Variants in RIN2 observed in about 807,000 individuals in gnomAD.
RIN2 encodes Ras and Rab interactor 2, also known as RAB5 interacting protein 2.
A neutral mutation model predicts 78.0 loss-of-function variants in RIN2; 36 were observed. The ratio of observed to expected loss-of-function variants is 0.46; its 90% CI spans 0.35 to 0.61. The LOEUF (loss-of-function observed/expected upper bound fraction) is 0.61, where lower values mean the gene tolerates loss of function less well. Ranked by LOEUF, RIN2 falls within the 20% of genes least tolerant of loss-of-function variation. The probability of loss-of-function intolerance (pLI) is 0.00; values close to 1 mark genes in which losing one functional copy is unlikely to be tolerated. For synonymous variants in RIN2, 466 were observed against 466.8 expected (o/e 1.00, Z 0.02); for missense variants, 1,087 against 1,159.7 (o/e 0.94, Z 0.91).
chr20:19,820,129 G>A (rs1453845602), intron 2 of RIN2, among the ~76,000 whole-genome samples: 2 of 152,294 alleles, frequency 1.3e-5, no homozygotes, highest in African/African-American at 2.4e-5. Flanking sequence ...TAGGCGATTT[G>A]TTGCCATTTT....
At chr20:19,904,260 TAA>T (rs2039122441) in intron 3 of RIN2, among the ~76,000 whole-genome samples, 10 of 145,400 alleles carry the variant, frequency 6.9e-5, no homozygotes, top group Admixed American at 1.4e-4. Context: ...TATATATATA[TAA>T]AATATATATA....
At chr20:19,956,526 A>ACAT (rs1303370731) in intron 4 of RIN2, 89 bp from the exon 5 acceptor site, 1 of 1,259,688 alleles carries the variant, frequency 7.9e-7, no homozygotes, top group Non-Finnish European at 1.1e-6. Flanking sequence ...GTGCGGTGGC[A>ACAT]AGCCTGGCCT....
At chr20:19,913,060 G>A (rs2039542359) in intron 3 of RIN2, among the ~76,000 whole-genome samples, 1 of 152,152 alleles carries the variant, frequency 6.6e-6, no homozygotes, top group Non-Finnish European at 1.5e-5. Flanking sequence ...TCTTGGAGGA[G>A]CCCAGAATTT....
intron 5 of RIN2, among the ~76,000 whole-genome samples, chr20:19,960,378 A>ATCC (rs1159047736): frequency 1.3e-5 from 2 of 152,238 alleles, no homozygotes; most frequent in Non-Finnish European, 2.9e-5. Context: ...TATAACTCAT[A>ATCC]TAAGACAGGG....
At chr20:19,827,810 C>CTTTTTTTT (rs34007899) in intron 2 of RIN2, among the ~76,000 whole-genome samples, 1 of 138,392 alleles carries the variant, frequency 7.2e-6, no homozygotes, top group Non-Finnish European at 1.6e-5. Context: ...TTCTTTTTTT[C>CTTTTTTTT]TTTTTTTTTT....
chr20:19,995,694 G>T (rs942086425), intron 11 of RIN2, among the ~76,000 whole-genome samples: 3 of 152,128 alleles, frequency 2.0e-5, no homozygotes, highest in Admixed American at 2.0e-4. Context: ...GAAGGGGGGG[G>T]TAAGAAAGGG....
intron 9 of RIN2, among the ~76,000 whole-genome samples, chr20:19,982,435 G>A (rs1244066881): frequency 6.6e-6 from 1 of 152,082 alleles, no homozygotes; most frequent in Non-Finnish European, 1.5e-5. Flanking sequence ...TGGCGGCCCT[G>A]GTGTCATATT....
At chr20:19,917,449 T>C (rs1443265689) in intron 3 of RIN2, among the ~76,000 whole-genome samples, 1 of 152,240 alleles carries the variant, frequency 6.6e-6, no homozygotes, top group Non-Finnish European at 1.5e-5. Flanking sequence ...TTTCCTAAAA[T>C]GATAATAGTT....
At chr20:19,835,099 AG>A (rs2036378585) in intron 2 of RIN2, among the ~76,000 whole-genome samples, 1 of 20,484 alleles carries the variant, frequency 4.9e-5, no homozygotes, top group Non-Finnish European at 2.0e-4. Flanking sequence ...AAAAGAAAGA[AG>A]AAAGAAAGAA....
At position 19,985,030 on chromosome 20, in the gene RIN2, T is replaced by C. The variant is rs556909020; in HGVS notation, c.1763-4976T>C. On this transcript the variant is annotated intron_variant, in intron 9 of 12. Transcript: ENST00000255006. ...CAGTGGCAGTGAGAGGGGAAGGGAC[T>C]TGGCCTCCCCACGGCTCCCAGGGCT... Among the ~76,000 whole-genome samples, 3 of 152,352 alleles carry C rather than the reference T, an allele frequency of 2.0e-5. No homozygotes were observed. The South Asian group carries it at 6.2e-4, about 32-fold the overall frequency.
rs1324953796 is a variant in RIN2 at position 19,974,608 on chromosome 20, A to G, written c.629-46A>G. The G allele has an allele frequency of 2.6e-6, 4 of 1,565,926 alleles. No homozygotes were observed. In the African/African-American group the frequency reaches 4.1e-5, roughly 16 times the overall value. On this transcript the variant is annotated intron_variant, in intron 8 of 12. Coordinates refer to ENST00000255006, the MANE Select transcript of RIN2 (RefSeq NM_018993.4). ...TTTTAATTTGTGAAGGAATGGTCTGAGTGTACCGTATTTACATTCTTGTGT... is the reference window on the plus strand; with the variant it reads ...TTTTAATTTGTGAAGGAATGGTCTGGGTGTACCGTATTTACATTCTTGTGT...
chr20:19,820,152 G>C (rs1399576523), intron 2 of RIN2, among the ~76,000 whole-genome samples: 2 of 152,110 alleles, frequency 1.3e-5, no homozygotes, highest in Admixed American at 6.5e-5. Context: ...CATCAACATT[G>C]GTTTTTACTG....
chr20:19,766,617 C>G (rs577352594), intron 1 of RIN2, among the ~76,000 whole-genome samples: 1 of 152,118 alleles, frequency 6.6e-6, no homozygotes, highest in Admixed American at 6.5e-5. Flanking sequence ...GCAGGAGCGG[C>G]AAGTACAAAG....
At chr20:19,810,246 A>G (rs984831077) in intron 2 of RIN2, among the ~76,000 whole-genome samples, 1 of 119,646 alleles carries the variant, frequency 8.4e-6, no homozygotes, top group African/African-American at 4.8e-5. Flanking sequence ...TAATAATACA[A>G]AAAAAAAAAA....
intron 2 of RIN2, among the ~76,000 whole-genome samples, chr20:19,817,491 G>A (rs893949873): frequency 6.6e-6 from 1 of 151,856 alleles, no homozygotes; most frequent in South Asian, 2.1e-4. Flanking sequence ...TGGGGATTCG[G>A]TTTCAATGTA....
intron 7 of RIN2, among the ~76,000 whole-genome samples, chr20:19,969,927 G>A (rs1414248728): frequency 1.3e-5 from 2 of 152,200 alleles, no homozygotes; most frequent in African/African-American, 4.8e-5. Flanking sequence ...CCTAACCTTT[G>A]TGAATGAACA....
At chr20:19,848,869 G>A (rs529008111) in intron 2 of RIN2, among the ~76,000 whole-genome samples, 20 of 152,252 alleles carry the variant, frequency 1.3e-4, no homozygotes, top group Admixed American at 5.2e-4. Context: ...AGCCATTATA[G>A]AATGATTTCC....
chr20:19,937,874 G>A (rs2040710874), intron 4 of RIN2, among the ~76,000 whole-genome samples: 1 of 152,230 alleles, frequency 6.6e-6, no homozygotes, highest in South Asian at 2.1e-4. Flanking sequence ...AAAATCACAG[G>A]TCGTGATACT....
chr20:19,970,709 C>A (rs923512931), intron 7 of RIN2, 129 bp from the exon 8 acceptor site: 2 of 707,048 alleles, frequency 2.8e-6, no homozygotes, highest in African/African-American at 1.8e-5. Context: ...ATAACTTTGT[C>A]GATATGGTAT....
Sources: allele counts gnomAD v4.1 joint callset (sites outside exome capture counted in the v4.1 genomes callset), GRCh38; gene constraint gnomAD v4.1.1; transcripts MANE v1.5; gene names NCBI Gene and HGNC (gene_info 2026-07-23, HGNC 2026-07-21).